MATN3: variants seen among roughly 807,000 people sequenced by gnomAD.
MATN3 encodes matrilin 3.
MATN3 carries 48 observed loss-of-function variants against 45.3 expected under a neutral mutation model. The observed-to-expected ratio is 1.06, with a 90% CI of 0.84 to 1.35. MATN3 has a LOEUF of 1.35. Ranked by LOEUF, MATN3 falls within the 40% of genes most tolerant of loss-of-function variation. The probability of loss-of-function intolerance (pLI) is 0.00; values close to 1 mark genes in which losing one functional copy is unlikely to be tolerated. For synonymous variants in MATN3, 217 were observed against 245.9 expected (o/e 0.88, Z 1.10); for missense variants, 599 against 628.0 (o/e 0.95, Z 0.49).
In MATN3 at chr2:19,992,500, A is replaced by G. The variant is rs1282722817; in HGVS notation, c.*611T>C. On this transcript the variant is annotated 3_prime_UTR_variant, in exon 8 of 8. Transcript: ENST00000407540. ...CTTTAGTAGTACATTTCTTTCAAAG[A>G]CCAGAATGAATTAAAAATGGCAATG... is the stretch of plus-strand genomic sequence containing the variant. 6.6e-6 allele frequency: 1 copy of G among 152,226 alleles called. No individual in the cohort carries two copies. Among genetic ancestry groups the G allele is most frequent in the Non-Finnish European group, 1.5e-5 (1 of 68,038 alleles). The allele number at this position is 152,226 out of a possible 1,614,324, so 9.4% of individuals were successfully genotyped here. A position where few individuals can be genotyped will look rare whatever the true frequency, so the allele number is the denominator to read the frequency against.
At chr2:20,010,848 A>T (rs556904058) in intron 1 of MATN3, among the ~76,000 whole-genome samples, 1 of 152,314 alleles carries the variant, frequency 6.6e-6, no homozygotes, top group Non-Finnish European at 1.5e-5. Flanking sequence ...GCCATAGAAA[A>T]CTAATACCTG....
In MATN3 at chr2:20,006,000, T is replaced by C. The variant is rs1403850252; in HGVS notation, c.534A>G (p.Ala178=). Residue 178 remains alanine (A), a synonymous_variant, in exon 2 of 8, where the codon GCA becomes GCG. Coordinates refer to ENST00000407540, the MANE Select transcript of MATN3 (RefSeq NM_002381.5). ...TGTTAGAAGAGGGCTCTCGAGCCCC[T>C]GCCTCCACTGTGAAGGCTTCGTCCA... ...TAMDEAFTVE[A]GAREPSSNIP... The C allele has an allele frequency of 6.2e-7, 1 of 1,613,908 alleles. No homozygotes were observed. Among genetic ancestry groups the C allele is most frequent in the Non-Finnish European group, 8.5e-7 (1 of 1,179,892 alleles).
intron 7 of MATN3, among the ~76,000 whole-genome samples, chr2:19,993,575 G>T (rs1672800171): frequency 6.6e-6 from 1 of 152,192 alleles, no homozygotes; most frequent in African/African-American, 2.4e-5. Context: ...CTTGTGTGAA[G>T]TTAGGAGAAT....
chr2:19,999,846 A>C (rs1049793570), intron 5 of MATN3, among the ~76,000 whole-genome samples: 1 of 152,140 alleles, frequency 6.6e-6, no homozygotes, highest in Admixed American at 6.5e-5. Flanking sequence ...AGTAAGTTTA[A>C]ATCAAATTAA....
chr2:20,012,510 G>A lies in MATN3; in HGVS notation c.122C>T (p.Thr41Ile). Reference protein sequence around the residue: ...VARPGFRRLETRGPGGSPGRR... With the variant: ...VARPGFRRLEIRGPGGSPGRR... ...TCCAGGGCTGCCCCCGGGACCTCGG[G>A]TCTCCAGCCTCCGGAAGCCCGGGCG... The change falls in exon 1 of 8, where the codon ACC (threonine) becomes ATC (isoleucine). Residue 41 changes from threonine (T) to isoleucine (I), a missense_variant. Transcript: ENST00000407540. The surrounding 1 kb of genome is among the most constrained non-coding windows in gnomAD (Gnocchi z 4.3). The A allele has an allele frequency of 8.1e-7, 1 of 1,228,622 alleles. No individual in the cohort carries two copies. Among genetic ancestry groups the A allele is most frequent in the Non-Finnish European group, 1.0e-6 (1 of 986,116 alleles). The allele number at this position is 1,228,622 out of a possible 1,614,324, so 76.1% of individuals were successfully genotyped here.
intron 1 of MATN3, among the ~76,000 whole-genome samples, chr2:20,006,961 T>G (rs1281105233): frequency 6.6e-6 from 1 of 152,188 alleles, no homozygotes; most frequent in Non-Finnish European, 1.5e-5. Context: ...CTCATGCCTG[T>G]AATCCCAGCA....
At chr2:20,007,521 C>T (rs1673131697) in intron 1 of MATN3, among the ~76,000 whole-genome samples, 1 of 151,526 alleles carries the variant, frequency 6.6e-6, no homozygotes, top group African/African-American at 2.4e-5. Context: ...AAGAGCAAGA[C>T]ATCATCTCAA....
chr2:20,006,421 A>G (rs1673108873), intron 1 of MATN3, 111 bp from the exon 2 acceptor site: 1 of 752,338 alleles, frequency 1.3e-6, no homozygotes, highest in Non-Finnish European at 2.1e-6. Context: ...CCTGACCCCA[A>G]CATCACCACT....
intron 6 of MATN3, 92 bp downstream of exon 6, chr2:19,997,042 G>C: frequency 7.3e-7 from 1 of 1,371,368 alleles, no homozygotes; most frequent in Non-Finnish European, 1.0e-6. Flanking sequence ...CAGGGAGAAA[G>C]AATCACAACT....
chr2:20,001,150 A>G (rs1672978090), intron 4 of MATN3, among the ~76,000 whole-genome samples: 1 of 152,204 alleles, frequency 6.6e-6, no homozygotes, highest in Non-Finnish European at 1.5e-5. Flanking sequence ...AAACAGTGCA[A>G]AAAATTCCTG....
chr2:19,997,369 TAGTAGTC>T (rs753536813), intron 5 of MATN3, 110 bp from the exon 6 acceptor site: 171 of 1,118,598 alleles, frequency 1.5e-4, no homozygotes, highest in Non-Finnish European at 2.1e-4. Context: ...GCTGAGAATG[TAGTAGTC>T]AGTAGTCAGC....
At position 20,000,426 on chromosome 2, in the gene MATN3, T is replaced by C; in HGVS notation, c.1168+15A>G. 1 of 1,585,530 alleles carries C rather than the reference T, an allele frequency of 6.3e-7. No individual in the cohort carries two copies. Among genetic ancestry groups the C allele is most frequent in the East Asian group, 2.3e-5 (1 of 44,012 alleles). Reference sequence around the variant, plus strand: ...AAAGACCCAAGTATGAAAGAATTTTTTGAGTGGATCTTACCTGAACATGTT... The same window carrying C: ...AAAGACCCAAGTATGAAAGAATTTTCTGAGTGGATCTTACCTGAACATGTT... On this transcript the variant is annotated intron_variant, in intron 5 of 7. Transcript: ENST00000407540.
chr2:20,001,627 T>A (rs1025236442), intron 4 of MATN3, among the ~76,000 whole-genome samples: 2 of 152,190 alleles, frequency 1.3e-5, no homozygotes, highest in African/African-American at 2.4e-5. Context: ...GTTTCTCCAC[T>A]ATAAAGTTAC....
intron 1 of MATN3, among the ~76,000 whole-genome samples, chr2:20,007,878 A>G (rs761680000): frequency 1.1e-4 from 17 of 151,970 alleles, no homozygotes; most frequent in Non-Finnish European, 2.4e-4. Context: ...GTTTCCCCCA[A>G]CCCCTGTTTG....
rs1225331310 is a variant in MATN3 at position 20,002,010 on chromosome 2, A to G, written c.987T>C (p.Tyr329=). The change falls in exon 4 of 8, where the codon TAT becomes TAC. Residue 329 remains tyrosine (Y), a synonymous_variant. Coordinates refer to ENST00000407540, the MANE Select transcript of MATN3 (RefSeq NM_002381.5). ...HICVNDRSGS[Y]HCECYEGYTL... ...TATAACCTTCATAGCACTCACAATG[A>G]TAAGAGCCACTTCTGTCATTCACAC... 1.9e-6 allele frequency: 3 copies of G among 1,613,586 alleles called. No individual in the cohort carries two copies. The East Asian group carries it at 6.7e-5, about 36-fold the overall frequency.
rs546020265 is a variant in MATN3 at position 20,008,453 on chromosome 2, G to A, written c.224-2143C>T. ...AAAGGTGATTCAAAATTAATGCCTA[G>A]ACTAAGCAGTTTATAGAAAAAAATT... On this transcript the variant is annotated intron_variant, in intron 1 of 7. Coordinates refer to ENST00000407540, the MANE Select transcript of MATN3 (RefSeq NM_002381.5). Among the ~76,000 whole-genome samples, 6 of 152,140 alleles carry A rather than the reference G, an allele frequency of 3.9e-5. No homozygotes were observed. In the South Asian group the frequency reaches 8.3e-4, roughly 21 times the overall value.
In MATN3 at chr2:20,000,585, G is replaced by A. The variant is rs751847102; in HGVS notation, c.1043-19C>T. 3.1e-6 allele frequency: 5 copies of A among 1,600,486 alleles called. No individual in the cohort carries two copies. The South Asian group carries it at 3.4e-5, about 11-fold the overall frequency. On this transcript the variant is annotated intron_variant, in intron 4 of 7. Coordinates refer to ENST00000407540, the MANE Select transcript of MATN3 (RefSeq NM_002381.5). ...TCTTGAGCTGTGAAACAAAAAGTCA[G>A]GAGAAAAGAAATAGAAGGTGGAAAA...
In MATN3 at chr2:20,006,278, A is replaced by G; in HGVS notation, c.256T>C (p.Phe86Leu). ...ACGCTACGAGAACTATCAATGATAA[A>G]CACCAGGTCCAAGGGTCTGCTCTTG... ...VCKSRPLDLV[F>L]IIDSSRSVRP... The change falls in exon 2 of 8, where the codon TTT becomes CTT. Residue 86 changes from phenylalanine (F) to leucine (L), a missense_variant. Transcript: ENST00000407540. The G allele has an allele frequency of 6.3e-7, 1 of 1,591,836 alleles. No individual in the cohort carries two copies. The highest frequency in any genetic ancestry group is 8.5e-7 in the Non-Finnish European group (1 of 1,170,292).
At chr2:19,993,726 C>T (rs1040132915) in intron 7 of MATN3, among the ~76,000 whole-genome samples, 11 of 152,134 alleles carry the variant, frequency 7.2e-5, no homozygotes, top group Admixed American at 1.3e-4. Context: ...CTAGATTGTA[C>T]CTACCACAAT....
Sources: allele counts gnomAD v4.1 joint callset (sites outside exome capture counted in the v4.1 genomes callset), GRCh38; gene constraint gnomAD v4.1.1; non-coding constraint Gnocchi (gnomAD v3.1); transcripts MANE v1.5; gene names NCBI Gene and HGNC (gene_info 2026-07-23, HGNC 2026-07-21).